The following HS6ST2 variants were observed in gnomAD, a reference collection of about 807,000 sequenced individuals.
HS6ST2 encodes heparan sulfate 6-O-sulfotransferase 2, also known as heparan-sulfate 6-O-sulfotransferase 2.
HS6ST2 carries 17 observed loss-of-function variants against 33.0 expected under a neutral mutation model. The observed-to-expected ratio is 0.52, with a 90% confidence interval of 0.35 to 0.77. The LOEUF (loss-of-function observed/expected upper bound fraction) is 0.77. Among genes scored for constraint, HS6ST2 ranks in the 30% least tolerant of loss-of-function variants. The probability of loss-of-function intolerance (pLI) is 0.01; values close to 1 mark genes in which losing one functional copy is unlikely to be tolerated. For synonymous variants in HS6ST2, 248 were observed against 237.1 expected (o/e 1.05, Z -0.42); for missense variants, 519 against 551.7 (o/e 0.94, Z 0.59).
intron 2 of HS6ST2, among the ~76,000 whole-genome samples, chrX:132,863,385 T>C (rs1418817942): frequency 9.0e-6 from 1 of 111,391 alleles, no homozygotes. Flanking sequence ...AGTGGCACAA[T>C]CATGGCTCAC....
At chrX:132,667,030 C>T (rs772008383) in intron 4 of HS6ST2, among the ~76,000 whole-genome samples, 11 of 111,288 alleles carry the variant, frequency 9.9e-5, no homozygotes, top group Non-Finnish European at 1.9e-4. Flanking sequence ...GAACACAGTG[C>T]CTAAACATCC....
intron 2 of HS6ST2, among the ~76,000 whole-genome samples, chrX:132,786,139 G>T (rs531626259): frequency 1.8e-5 from 2 of 111,977 alleles, no homozygotes; most frequent in East Asian, 2.8e-4. Context: ...TTAGAACAGT[G>T]GCTGCCACGT....
chrX:132,665,691 T>G (rs1288740115), intron 4 of HS6ST2, among the ~76,000 whole-genome samples: 1 of 111,170 alleles, frequency 9.0e-6, no homozygotes, highest in Admixed American at 9.6e-5. Context: ...TGATTGGTCA[T>G]GGGTCAACCT....
chrX:132,856,633 T>C (rs1167655295), intron 2 of HS6ST2, among the ~76,000 whole-genome samples: 1 of 111,773 alleles, frequency 8.9e-6, no homozygotes, highest in African/African-American at 3.3e-5. Context: ...GAGATAATTA[T>C]TATTAATAAA....
chrX:132,870,361 C>T (rs1282493266), intron 2 of HS6ST2, among the ~76,000 whole-genome samples: 1 of 111,558 alleles, frequency 9.0e-6, no homozygotes, highest in African/African-American at 3.3e-5. Context: ...TTTATAGATT[C>T]AATGCTATCC....
At chrX:132,733,607 C>T (rs1291643503) in intron 2 of HS6ST2, among the ~76,000 whole-genome samples, 1 of 111,338 alleles carries the variant, frequency 9.0e-6, no homozygotes, top group African/African-American at 3.3e-5. Context: ...AACTCTACTT[C>T]AATTTGAATT....
intron 2 of HS6ST2, among the ~76,000 whole-genome samples, chrX:132,802,925 G>C (rs900695178): frequency 1.8e-5 from 2 of 110,627 alleles, no homozygotes; most frequent in Non-Finnish European, 3.8e-5. Flanking sequence ...CTCCCTAGAG[G>C]AAATTGCCTT....
intron 3 of HS6ST2, among the ~76,000 whole-genome samples, chrX:132,680,794 A>C (rs2063963538): frequency 1.8e-5 from 2 of 110,407 alleles, no homozygotes; most frequent in African/African-American, 3.3e-5. Flanking sequence ...TCAGGAGTTC[A>C]AGACCAGCCT....
At chrX:132,677,866 A>G (rs2063935588) in intron 3 of HS6ST2, among the ~76,000 whole-genome samples, 1 of 112,063 alleles carries the variant, frequency 8.9e-6, no homozygotes, top group South Asian at 3.7e-4. Context: ...CTTTATAGCT[A>G]GAACTTGAAC....
At chrX:132,868,012 C>T (rs914035984) in intron 2 of HS6ST2, among the ~76,000 whole-genome samples, 38 of 111,467 alleles carry the variant, frequency 3.4e-4, no homozygotes, top group African/African-American at 1.2e-3. Context: ...GAGTCAAGAC[C>T]CATCAGTGTG....
At chrX:132,726,093 T>C (rs912900907) in intron 2 of HS6ST2, among the ~76,000 whole-genome samples, 1 of 111,236 alleles carries the variant, frequency 9.0e-6, no homozygotes, top group Non-Finnish European at 1.9e-5. Flanking sequence ...GACCTAGTAT[T>C]TGATATCTCA....
chrX:132,828,632 A>T (rs2065549936), intron 2 of HS6ST2, among the ~76,000 whole-genome samples: 1 of 100,413 alleles, frequency 1.0e-5, no homozygotes, highest in Non-Finnish European at 2.0e-5. Context: ...ACTACATACC[A>T]ACTAGGCACT....
chrX:132,790,255 C>T lies in HS6ST2; in HGVS notation c.948-81761G>A, dbSNP rs141303678. The stretch of plus-strand genomic sequence containing the variant: ...TAGTCAGCAACCATGCACATCGAGG[C>T]AAGACCCTTCACCAGCAAAACAACG... On this transcript the variant is annotated intron_variant, in intron 2 of 4. Coordinates refer to ENST00000370833, the MANE Select transcript of HS6ST2 (RefSeq NM_001394073.1). Among the ~76,000 whole-genome samples, 235 of 112,187 alleles carry T rather than the reference C, an allele frequency of 2.1e-3. 1 individual carries two copies. Among genetic ancestry groups the T allele is most frequent in the African/African-American group, 7.2e-3 (222 of 30,907 alleles).
At chrX:132,794,555 G>GGATGATGATGATGATGAT (rs111313658) in intron 2 of HS6ST2, among the ~76,000 whole-genome samples, 1 of 92,277 alleles carries the variant, frequency 1.1e-5, no homozygotes, top group African/African-American at 4.2e-5. Context: ...CACCACTCCT[G>GGATGATGATGATGATGAT]GATGATGATG....
At chrX:132,887,410 T>C (rs2066263311) in intron 2 of HS6ST2, among the ~76,000 whole-genome samples, 2 of 112,046 alleles carry the variant, frequency 1.8e-5, no homozygotes, top group African/African-American at 3.2e-5. Flanking sequence ...ATGCCATCAA[T>C]TGTCATTAGA....
intron 2 of HS6ST2, among the ~76,000 whole-genome samples, chrX:132,824,657 C>G (rs771767527): frequency 4.4e-5 from 5 of 112,403 alleles, no homozygotes; most frequent in Non-Finnish European, 9.4e-5. Context: ...TGTTGTTACT[C>G]TAAGTATTTT....
chrX:132,837,988 C>T (rs777472815), intron 2 of HS6ST2, among the ~76,000 whole-genome samples: 16 of 112,311 alleles, frequency 1.4e-4, no homozygotes, highest in African/African-American at 3.9e-4. Flanking sequence ...ATGGCACAGG[C>T]ATAGTTGCCA....
intron 4 of HS6ST2, among the ~76,000 whole-genome samples, chrX:132,664,123 G>A (rs1476574885): frequency 8.9e-6 from 1 of 111,734 alleles, no homozygotes; most frequent in Non-Finnish European, 1.9e-5. Context: ...TGATTCACCT[G>A]CCTCAGCCTC....
At chrX:132,854,104 C>T (rs2065829956) in intron 2 of HS6ST2, among the ~76,000 whole-genome samples, 1 of 111,644 alleles carries the variant, frequency 9.0e-6, no homozygotes, top group Non-Finnish European at 1.9e-5. Flanking sequence ...GGAAAAAGGA[C>T]CAGCAGATCA....
Sources: gnomAD v4.1 joint callset for allele counts (sites outside exome capture counted in the v4.1 genomes callset) on GRCh38, gnomAD v4.1.1 for gene constraint, MANE v1.5 for transcripts, NCBI Gene and HGNC (gene_info 2026-07-23, HGNC 2026-07-21) for gene names.